ASPM: variants seen among roughly 807,000 people sequenced by gnomAD.
ASPM encodes the protein abnormal spindle-like microcephaly-associated protein.
A neutral mutation model predicts 366.4 loss-of-function variants in ASPM; 256 were observed. The observed-to-expected ratio is 0.70, with a 90% CI of 0.63 to 0.77. The LOEUF (loss-of-function observed/expected upper bound fraction) is 0.77, where lower values mean the gene tolerates loss of function less well. Ranked by LOEUF, ASPM falls within the 30% of genes least tolerant of loss-of-function variation. The pLI is 0.00. For synonymous variants in ASPM, 1,414 were observed against 1,342.9 expected (o/e 1.05, Z -1.16); for missense variants, 4,146 against 4,090.4 (o/e 1.01, Z -0.37).
rs867625901 is a variant in ASPM, at chr1:197,104,713, G to A, written c.4538C>T (p.Ser1513Phe). 1 of 1,611,444 alleles carries A rather than the reference G, an allele frequency of 6.2e-7. No homozygotes were observed. Among genetic ancestry groups the A allele is most frequent in the Non-Finnish European group, 8.5e-7 (1 of 1,178,960 alleles). Reference protein sequence around the residue: ...AQKLYKRRKESILTIQKYYKA... With the variant: ...AQKLYKRRKEFILTIQKYYKA... ...GTAGTACTTCTGGATGGTTAGTATG[G>A]ACTCTTTTCTTCTTTTATATAACTT... Residue 1513 changes from serine (S) to phenylalanine (F), a missense_variant, in exon 18 of 28, where the codon TCC becomes TTC. Coordinates refer to ENST00000367409, the MANE Select transcript of ASPM (RefSeq NM_018136.5).
chr1:197,131,133 C>T (rs1658242301), intron 7 of ASPM, among the ~76,000 whole-genome samples: 2 of 152,170 alleles, frequency 1.3e-5, no homozygotes, highest in Non-Finnish European at 2.9e-5. Flanking sequence ...CACCACAATG[C>T]TGTGTAACCA....
chr1:197,127,989 C>T (rs978093243), intron 10 of ASPM, among the ~76,000 whole-genome samples: 2 of 151,884 alleles, frequency 1.3e-5, no homozygotes, highest in Non-Finnish European at 2.9e-5. Flanking sequence ...CACGGTGAAA[C>T]CCCGTCTCTA....
At position 197,100,746 on chromosome 1, in the gene ASPM, T is replaced by G; in HGVS notation, c.8505A>C (p.Thr2835=). ...FCRMVTRKLE[T]QKCAALRIQF... ...GAATCCGTAGGGCAGCACATTTCTG[T>G]GTTTCCAGTTTTCTTGTGACCATTC... The change falls in exon 18 of 28, where the codon ACA becomes ACC. Residue 2835 remains threonine, a synonymous_variant. Coordinates refer to ENST00000367409, the MANE Select transcript of ASPM (RefSeq NM_018136.5). 1 of 1,612,502 alleles carries G rather than the reference T, an allele frequency of 6.2e-7. No individual in the cohort carries two copies.
chr1:197,090,415 TAAG>T (rs762341035), intron 23 of ASPM, 27 bp from the exon 24 acceptor site: 2 of 1,530,254 alleles, frequency 1.3e-6, no homozygotes, highest in Non-Finnish European at 1.8e-6. Context: ...AGAGTAATTT[TAAG>T]ATTATAGCCA....
intron 3 of ASPM, among the ~76,000 whole-genome samples, chr1:197,141,814 T>TATATAGAA (rs573510545): frequency 8.5e-4 from 130 of 152,270 alleles, no homozygotes; most frequent in African/African-American, 2.9e-3. Flanking sequence ...GTCAAATAAA[T>TATATAGAA]ATATCTAGAA....
intron 25 of ASPM, among the ~76,000 whole-genome samples, chr1:197,088,746 C>T (rs1356717612): frequency 6.6e-6 from 1 of 151,750 alleles, no homozygotes; most frequent in Non-Finnish European, 1.5e-5. Context: ...AAGATAAGAC[C>T]ACTTTAGTAA....
In ASPM at chr1:197,124,231, G is replaced by C. The variant is rs16841081; in HGVS notation, c.3269C>G (p.Ser1090Cys). 2 of 1,609,070 alleles carry C rather than the reference G, an allele frequency of 1.2e-6. No homozygotes were observed. Among genetic ancestry groups the C allele is most frequent in the Non-Finnish European group, 1.7e-6 (2 of 1,175,926 alleles). ...TTTTTTCTTATTAATAAGATCATCA[G>C]AATGGCATGATAGTAGAGATATTGT... ...KKTISLLSCH[S>C]DDLINKKKGK... The change falls in exon 13 of 28, where the codon TCT becomes TGT. Residue 1090 changes from serine to cysteine, a missense_variant. This residue lies in a region of ASPM where 3,624 missense variants were observed against 3,591.7 expected (regional missense o/e 1.01). Transcript: ENST00000367409.
Position 197,146,297 on chromosome 1 carries a change from A to G in ASPM, c.141T>C (p.Ser47=). The G allele has an allele frequency of 1.2e-6, 2 of 1,614,058 alleles. No homozygotes were observed. The highest frequency in any genetic ancestry group is 1.7e-6 in the Non-Finnish European group (2 of 1,180,006). Residue 47 remains serine (S), a synonymous_variant, in exon 1 of 28, where the codon TCT becomes TCC. Transcript: ENST00000367409. The stretch of plus-strand genomic sequence containing the variant: ...GAACGTCCCCGAAGCAAAGGAAAGG[A>G]GACCTGCAGAAGTGGCTGAGAGACA... ...PVLSLSHFCR[S]PFLCFGDVLL... is the part of the protein sequence containing the mutation.
intron 6 of ASPM, among the ~76,000 whole-genome samples, 154 bp downstream of exon 6, chr1:197,133,196 A>G (rs1374107704): frequency 6.6e-6 from 1 of 152,238 alleles, no homozygotes. Flanking sequence ...ATAATCATTT[A>G]ATAATATATA....
intron 1 of ASPM, 104 bp downstream of exon 1, chr1:197,146,037 T>G: frequency 6.9e-7 from 1 of 1,454,728 alleles, no homozygotes; most frequent in East Asian, 2.3e-5. Context: ...TCTAAGGGTC[T>G]TTTCTGATTT....
At chr1:197,087,208 G>A (rs1318292477) in intron 26 of ASPM, among the ~76,000 whole-genome samples, 2 of 151,952 alleles carry the variant, frequency 1.3e-5, no homozygotes, top group Admixed American at 1.3e-4. Context: ...CCAAGTAGCT[G>A]GGATTACAGG....
rs746525067 is a variant in ASPM at position 197,142,988 on chromosome 1, C to T, written c.1264G>A (p.Val422Ile). Reference protein sequence around the residue: ...KVPLSNENSQVPQSPEDWRKS... With the variant: ...KVPLSNENSQIPQSPEDWRKS... ...CTCCAATCTTCAGGAGACTGTGGGA[C>T]TTGAGAATTTTCATTTGATAATGGT... Residue 422 changes from valine to isoleucine, a missense_variant, in exon 3 of 28, where the codon GTC (valine) becomes ATC (isoleucine). Val to Ile is a conservative substitution (Grantham distance 29). Around this residue, in one of 3 missense-constraint regions of ASPM, gnomAD observed 3,624 missense variants for 3,591.7 expected, o/e 1.01. Coordinates refer to ENST00000367409, the MANE Select transcript of ASPM (RefSeq NM_018136.5). The T allele has an allele frequency of 1.1e-5, 17 of 1,613,688 alleles. No individual in the cohort carries two copies. In the East Asian group the frequency reaches 3.8e-4, roughly 36 times the overall value.
intron 7 of ASPM, 93 bp downstream of exon 7, chr1:197,132,190 TTA>T: frequency 9.8e-7 from 1 of 1,017,334 alleles, no homozygotes; most frequent in South Asian, 1.7e-5. Context: ...CTTTCAACTT[TTA>T]TAAGTAAAAC....
chr1:197,146,087 A>C, intron 1 of ASPM, 54 bp downstream of exon 1: 1 of 1,608,708 alleles, frequency 6.2e-7, no homozygotes, highest in Non-Finnish European at 8.5e-7. Context: ...GGTGGCAGGA[A>C]AGATAGCGGA....
intron 27 of ASPM, 37 bp from the exon 28 acceptor site, chr1:197,084,463 G>C (rs772034841): frequency 7.0e-7 from 1 of 1,432,370 alleles, no homozygotes; most frequent in Non-Finnish European, 9.8e-7. Flanking sequence ...CATTAATAAA[G>C]TTCTTCTCTT....
Position 197,143,467 on chromosome 1 carries a change from T to G in ASPM, c.785A>C (p.His262Pro), listed in dbSNP as rs545756573. ...AGAAACTTTTGAAACGTTGGCACTG[T>G]GTACATTTAATAGTTCCCTATTTTC... is the stretch of plus-strand genomic sequence containing the variant. ...ASENRELLNV[H>P]SANVSKVSFN... The change falls in exon 3 of 28, where the codon CAC (histidine) becomes CCC (proline). Residue 262 changes from histidine to proline, a missense_variant. Coordinates refer to ENST00000367409, the MANE Select transcript of ASPM (RefSeq NM_018136.5). 7 of 1,613,936 alleles carry G rather than the reference T, an allele frequency of 4.3e-6. No homozygotes were observed. Among genetic ancestry groups the G allele is most frequent in the Non-Finnish European group, 5.9e-6 (7 of 1,179,908 alleles).
At chr1:197,117,079 T>TA (rs1039603914) in intron 17 of ASPM, among the ~76,000 whole-genome samples, 3 of 152,002 alleles carry the variant, frequency 2.0e-5, no homozygotes, top group African/African-American at 4.8e-5. Context: ...TTTTACATGT[T>TA]AAAAAAAGGT....
chr1:197,094,027 T>C, intron 20 of ASPM, 57 bp downstream of exon 20: 1 of 1,129,244 alleles, frequency 8.9e-7, no homozygotes, highest in East Asian at 2.6e-5. Flanking sequence ...CAAAACATTC[T>C]TTGTTTTCTA....
intron 17 of ASPM, among the ~76,000 whole-genome samples, chr1:197,116,875 G>T (rs1657751910): frequency 6.6e-6 from 1 of 152,120 alleles, no homozygotes; most frequent in African/African-American, 2.4e-5. Context: ...TGTGTTTAAA[G>T]AAAACACTTA....
Sources: gnomAD v4.1 joint callset for allele counts (sites outside exome capture counted in the v4.1 genomes callset) on GRCh38, gnomAD v4.1.1 for gene constraint, gnomAD v4.1.1 regional missense constraint, MANE v1.5 for transcripts, NCBI Gene and HGNC (gene_info 2026-07-23, HGNC 2026-07-21) for gene names.